Variants in AFG2B observed in about 807,000 individuals in gnomAD.
AFG2B encodes the protein ATPase family gene 2 protein homolog B.
At chr15:45,402,952 G>T in the AFG2B span, 13 of 1,597,342 alleles carry the variant, frequency 8.1e-6, no homozygotes, top group Non-Finnish European at 1.1e-5. Context: ...TCCCGATCCC[G>T]CTGGGCTGGT....
chr15:45,415,466 C>G, the AFG2B span: 2 of 865,216 alleles, frequency 2.3e-6, no homozygotes, highest in South Asian at 1.8e-5. Flanking sequence ...TCACTACACT[C>G]CAAACTGAGC....
chr15:45,418,321 G>C, the AFG2B span, among the ~76,000 whole-genome samples: 1 of 146,480 alleles, frequency 6.8e-6, no homozygotes, highest in South Asian at 2.2e-4. Flanking sequence ...TCCAGCCTGG[G>C]TGACAGAGCG....
At chr15:45,409,340 G>A in the AFG2B span, among the ~76,000 whole-genome samples, 1 of 147,780 alleles carries the variant, frequency 6.8e-6, no homozygotes, top group Non-Finnish European at 1.5e-5. Context: ...TCACAGCACT[G>A]CACTCCAACC....
the AFG2B span, among the ~76,000 whole-genome samples, chr15:45,412,628 A>G: frequency 2.0e-5 from 3 of 152,032 alleles, no homozygotes; most frequent in African/African-American, 7.2e-5. Context: ...TATTCTTTTG[A>G]TTTTTTTTCA....
the AFG2B span, chr15:45,418,512 A>G: frequency 7.8e-6 from 12 of 1,536,630 alleles, no homozygotes; most frequent in East Asian, 1.4e-4. Flanking sequence ...TGTGTCAAAC[A>G]TAAATGTTAT....
At chr15:45,407,561 A>G in the AFG2B span, among the ~76,000 whole-genome samples, 7 of 152,208 alleles carry the variant, frequency 4.6e-5, no homozygotes, top group African/African-American at 1.7e-4. Flanking sequence ...TTTTAAGTAT[A>G]TAATAGGGTT....
At chr15:45,407,149 G>T in the AFG2B span, 1 of 1,285,234 alleles carries the variant, frequency 7.8e-7, no homozygotes, top group Non-Finnish European at 1.0e-6. Flanking sequence ...ACAGGTGATG[G>T]CTGAGTTCAG....
At chr15:45,415,453 G>T in the AFG2B span, 11 of 707,644 alleles carry the variant, frequency 1.6e-5, no homozygotes, top group Non-Finnish European at 2.4e-5. Flanking sequence ...AGCTGAAATC[G>T]CATCACTACA....
chr15:45,409,912 G>T, the AFG2B span, among the ~76,000 whole-genome samples: 7 of 152,216 alleles, frequency 4.6e-5, no homozygotes, highest in Admixed American at 2.6e-4. Context: ...TTTTTCAGTT[G>T]CAGCTTTGTT....
At chr15:45,403,161 A>C in the AFG2B span, 1 of 1,458,074 alleles carries the variant, frequency 6.9e-7, no homozygotes, top group Non-Finnish European at 9.0e-7. Context: ...GGCCCCCCGG[A>C]GTGGGCAAGA....
the AFG2B span, chr15:45,417,209 T>C: frequency 2.5e-6 from 4 of 1,569,554 alleles, no homozygotes; most frequent in Admixed American, 7.3e-5. Context: ...TGATTTATAA[T>C]TTTTAGAAAA....
the AFG2B span, among the ~76,000 whole-genome samples, chr15:45,412,545 A>G: frequency 6.6e-6 from 1 of 152,248 alleles, no homozygotes. Context: ...GCTGTAGACC[A>G]TATGTAAATT....
At chr15:45,408,235 A>T in the AFG2B span, among the ~76,000 whole-genome samples, 1 of 152,200 alleles carries the variant, frequency 6.6e-6, no homozygotes, top group Admixed American at 6.5e-5. Flanking sequence ...ATTAAAACTT[A>T]TAGGAAAGTT....
At chr15:45,417,227 A>G in the AFG2B span, 1 of 1,590,638 alleles carries the variant, frequency 6.3e-7, no homozygotes, top group South Asian at 1.1e-5. Flanking sequence ...AAACTTATTA[A>G]CAACTGATTG....
At chr15:45,414,683 G>A in the AFG2B span, 5 of 1,614,068 alleles carry the variant, frequency 3.1e-6, no homozygotes, top group Admixed American at 1.7e-5. Flanking sequence ...ACTCTGGTGA[G>A]GGCCCTGGCC....
chr15:45,416,445 C>T, the AFG2B span, among the ~76,000 whole-genome samples: 10 of 152,316 alleles, frequency 6.6e-5, no homozygotes, highest in South Asian at 1.9e-3. Context: ...CTTAAATTGT[C>T]CCTGATACTT....
the AFG2B span, among the ~76,000 whole-genome samples, chr15:45,406,027 G>C: frequency 6.6e-6 from 1 of 151,994 alleles, no homozygotes; most frequent in South Asian, 2.1e-4. Context: ...CCGCGAAAAC[G>C]TAAGTGTATA....
the AFG2B span, among the ~76,000 whole-genome samples, chr15:45,405,118 C>A: frequency 6.6e-6 from 1 of 152,134 alleles, no homozygotes; most frequent in African/African-American, 2.4e-5. Context: ...ACTACACTAT[C>A]AAACATTACA....
the AFG2B span, chr15:45,418,552 TC>T: frequency 6.3e-7 from 1 of 1,587,300 alleles, no homozygotes; most frequent in Admixed American, 1.9e-5. Flanking sequence ...TTTATTTTGT[TC>T]CAGGGCAGGC....
Sources: allele counts gnomAD v4.1 joint callset (sites outside exome capture counted in the v4.1 genomes callset), GRCh38; gene constraint gnomAD v4.1.1; transcripts MANE v1.5; gene names NCBI Gene and HGNC (gene_info 2026-07-23, HGNC 2026-07-21).